The following RBFOX1 variants were observed in gnomAD, a reference collection of about 807,000 sequenced individuals.
RBFOX1 encodes RNA binding fox-1 homolog 1.
A neutral mutation model predicts 57.7 loss-of-function variants in RBFOX1; 8 were observed. That is an observed-to-expected ratio of 0.14 (90% CI 0.08 to 0.25). The LOEUF (loss-of-function observed/expected upper bound fraction) is 0.25, where lower values mean the gene tolerates loss of function less well. Among genes scored for constraint, RBFOX1 ranks in the 10% least tolerant of loss-of-function variants. The pLI, the probability that RBFOX1 is intolerant of heterozygous loss-of-function variation, is 1.00. For synonymous variants in RBFOX1, 326 were observed against 222.4 expected, an observed-to-expected ratio of 1.47 and a Z score of -4.15; for missense variants, 611 against 548.5, an observed-to-expected ratio of 1.11 and a Z score of -1.14.
chr16:7,128,140 A>C (rs1464003312), intron 4 of RBFOX1, among the ~76,000 whole-genome samples: 3 of 152,156 alleles, frequency 2.0e-5, no homozygotes, highest in Non-Finnish European at 4.4e-5. Flanking sequence ...GTGAAAAGCA[A>C]ATGTCTCCTT....
At chr16:5,393,748 C>T (rs1454646822) in intron 1 of RBFOX1, among the ~76,000 whole-genome samples, 1 of 152,136 alleles carries the variant, frequency 6.6e-6, no homozygotes, top group Non-Finnish European at 1.5e-5. Flanking sequence ...ATGTCTAAAC[C>T]ATGTGTACAG....
intron 3 of RBFOX1, among the ~76,000 whole-genome samples, chr16:6,745,049 G>A (rs1213764778): frequency 6.6e-6 from 1 of 151,980 alleles, no homozygotes; most frequent in Non-Finnish European, 1.5e-5. Context: ...ATCATATTAT[G>A]AACAACCTTA....
rs187301248 is a variant in RBFOX1, at chr16:7,174,703, G to A, written c.27+122605G>A. ...TCTGAGGCAGGAGAATCACTTGAAC[G>A]CGAGAGGCGGAGATTGCAGTGAGCC... On this transcript the variant is annotated intron_variant, in intron 4 of 15. Coordinates refer to ENST00000550418, the MANE Select transcript of RBFOX1 (RefSeq NM_018723.4). 9.2e-5 allele frequency among the ~76,000 whole-genome samples: 14 copies of A among 152,214 alleles called. No individual in the cohort carries two copies. The East Asian group carries it at 9.7e-4, about 11-fold the overall frequency.
At chr16:7,330,546 A>G in intron 4 of RBFOX1, among the ~76,000 whole-genome samples, 1 of 150,544 alleles carries the variant, frequency 6.6e-6, no homozygotes, top group South Asian at 2.1e-4. Context: ...AGAGAGAGAG[A>G]GAAAGTTACA....
chr16:6,238,125 G>T (rs902757903), intron 1 of RBFOX1, among the ~76,000 whole-genome samples: 6 of 150,964 alleles, frequency 4.0e-5, no homozygotes, highest in South Asian at 4.2e-4. Context: ...AGAAAAGCCT[G>T]CCTTATAGGG....
chr16:7,675,634 C>A (rs889639325), intron 13 of RBFOX1, among the ~76,000 whole-genome samples: 24 of 152,190 alleles, frequency 1.6e-4, no homozygotes, highest in African/African-American at 5.3e-4. Flanking sequence ...CTTTTTGTAG[C>A]TTCCCTGCTT....
chr16:5,257,181 A>C (rs922926193), intron 1 of RBFOX1, among the ~76,000 whole-genome samples: 1 of 151,914 alleles, frequency 6.6e-6, no homozygotes, highest in African/African-American at 2.4e-5. Context: ...GAAAACTCAA[A>C]AAAAAACAGC....
intron 2 of RBFOX1, among the ~76,000 whole-genome samples, chr16:6,321,562 G>T (rs534187853): frequency 1.6e-4 from 25 of 152,256 alleles, no homozygotes; most frequent in African/African-American, 6.0e-4. Context: ...ATTCTAACTG[G>T]TTGGTGCCTA....
chr16:5,263,881 G>T (rs1468199836), intron 1 of RBFOX1, among the ~76,000 whole-genome samples: 1 of 152,214 alleles, frequency 6.6e-6, no homozygotes, highest in East Asian at 1.9e-4. Context: ...GAGAAGTGAA[G>T]TCTACCATAG....
chr16:5,414,010 G>A (rs2067093575), intron 1 of RBFOX1, among the ~76,000 whole-genome samples: 1 of 152,192 alleles, frequency 6.6e-6, no homozygotes, highest in South Asian at 2.1e-4. Context: ...GGAAAGGTGT[G>A]AGTCATTTGT....
intron 1 of RBFOX1, among the ~76,000 whole-genome samples, chr16:5,420,612 C>T (rs575080383): frequency 9.2e-5 from 14 of 151,988 alleles, no homozygotes; most frequent in South Asian, 6.2e-4. Flanking sequence ...CAGGCTCCAG[C>T]GATCCTCCTA....
chr16:5,823,342 G>T (rs1360043146), intron 3 of RBFOX1, among the ~76,000 whole-genome samples: 2 of 152,218 alleles, frequency 1.3e-5, no homozygotes, highest in Non-Finnish European at 2.9e-5. Flanking sequence ...AGTACATAAA[G>T]GAAGGGGTAG....
At chr16:6,708,987 T>A (rs2063277216) in intron 3 of RBFOX1, among the ~76,000 whole-genome samples, 1 of 151,978 alleles carries the variant, frequency 6.6e-6, no homozygotes, top group Non-Finnish European at 1.5e-5. Flanking sequence ...TTTCTTTTTT[T>A]TTTAATCATT....
rs560244153 is a variant in RBFOX1, at chr16:6,580,964, C to T, written c.-63-73639C>T. ...CCAAAATCATAATTGCAAAGGCAAGCTTCTGAAGCATTGATCAAGAATATA... is the reference window on the plus strand; with the variant it reads ...CCAAAATCATAATTGCAAAGGCAAGTTTCTGAAGCATTGATCAAGAATATA... On this transcript the variant is annotated intron_variant, in intron 2 of 15. Transcript: ENST00000550418. Among the ~76,000 whole-genome samples, 3 of 150,262 alleles carry T rather than the reference C, an allele frequency of 2.0e-5. No homozygotes were observed. The East Asian group carries it at 5.9e-4, about 29-fold the overall frequency.
chr16:6,359,432 C>T (rs778582559), intron 2 of RBFOX1, among the ~76,000 whole-genome samples: 31 of 152,132 alleles, frequency 2.0e-4, no homozygotes, highest in African/African-American at 4.6e-4. Flanking sequence ...CTTCATTACT[C>T]GGTGAAGGTG....
At chr16:7,536,405 C>G (rs546928632) in intron 5 of RBFOX1, among the ~76,000 whole-genome samples, 71 of 152,212 alleles carry the variant, frequency 4.7e-4, no homozygotes, top group Middle Eastern at 6.8e-3. Context: ...ACCAGCCTGG[C>G]CAAAATGGTA....
chr16:6,992,074 C>T (rs1009638282), intron 3 of RBFOX1, among the ~76,000 whole-genome samples: 1 of 152,088 alleles, frequency 6.6e-6, no homozygotes, highest in Non-Finnish European at 1.5e-5. Context: ...CTGTCTTTGC[C>T]AGAGTTTCAC....
At chr16:5,576,691 C>A (rs149001588) in intron 2 of RBFOX1, among the ~76,000 whole-genome samples, 1,715 of 152,310 alleles carry the variant, frequency 0.011, 12 homozygotes, top group Middle Eastern at 0.037. Flanking sequence ...TGCTTCTTGC[C>A]TTTCCAGTGT....
At chr16:6,277,139 G>C (rs927854340) in intron 1 of RBFOX1, among the ~76,000 whole-genome samples, 1 of 152,114 alleles carries the variant, frequency 6.6e-6, no homozygotes, top group East Asian at 1.9e-4. Flanking sequence ...TTAAAGTTTT[G>C]TAATGACTTA....
Sources: allele counts gnomAD v4.1 joint callset (sites outside exome capture counted in the v4.1 genomes callset), GRCh38; gene constraint gnomAD v4.1.1; transcripts MANE v1.5; gene names NCBI Gene and HGNC (gene_info 2026-07-23, HGNC 2026-07-21).